The following AP3B1 variants were observed in gnomAD, a reference collection of about 807,000 sequenced individuals.
AP3B1 encodes AP-3 complex subunit beta-1.
A neutral mutation model predicts 132.5 loss-of-function variants in AP3B1; 61 were observed. That is an observed-to-expected ratio of 0.46 (90% CI 0.37 to 0.57). AP3B1 has a LOEUF of 0.57. Ranked by LOEUF, AP3B1 falls within the 20% of genes least tolerant of loss-of-function variation. The pLI, the probability that AP3B1 is intolerant of heterozygous loss-of-function variation, is 0.00. For missense variants in AP3B1, 1,120 were observed against 1,289.4 expected (o/e 0.87, Z 2.01); for synonymous variants, 388 against 438.3 (o/e 0.89, Z 1.43).
intron 1 of AP3B1, among the ~76,000 whole-genome samples, chr5:78,291,387 T>G (rs916697706): frequency 1.5e-5 from 2 of 135,530 alleles, no homozygotes; most frequent in African/African-American, 2.8e-5. Context: ...GCAAGACATC[T>G]GCATGGTCTC....
At chr5:78,005,497 A>G (rs1332744491) in intron 26 of AP3B1, among the ~76,000 whole-genome samples, 1 of 152,264 alleles carries the variant, frequency 6.6e-6, no homozygotes, top group Non-Finnish European at 1.5e-5. Context: ...CTATTGCCAC[A>G]AAAGTCTCAG....
At chr5:78,232,248 G>C (rs1461496981) in intron 3 of AP3B1, among the ~76,000 whole-genome samples, 1 of 152,172 alleles carries the variant, frequency 6.6e-6, no homozygotes, top group Non-Finnish European at 1.5e-5. Flanking sequence ...TCCTCGGAGA[G>C]ACAGGTTTTT....
In AP3B1 at chr5:78,138,969, C is replaced by CAAA. The variant is rs34427836; in HGVS notation, c.1650+2171_1650+2173dup. 4.1e-3 allele frequency among the ~76,000 whole-genome samples: 160 copies of CAAA among 39,004 alleles called. 4 individuals are homozygous for CAAA. The highest frequency in any genetic ancestry group is 9.8e-3 in the African/African-American group (92 of 9,416). The allele number at this position is 39,004 out of a possible 152,430, so 25.6% of individuals were successfully genotyped here. On this transcript the variant is annotated intron_variant, in intron 15 of 26. Transcript: ENST00000255194. ...TGTGTGACAGAGGGAAACTCTGTCT[C>CAAA]AAAAAAAAAAAAAAAAAAAAACACT...
At chr5:78,204,945 A>G (rs1745444425) in intron 7 of AP3B1, among the ~76,000 whole-genome samples, 1 of 152,096 alleles carries the variant, frequency 6.6e-6, no homozygotes. Flanking sequence ...ATTTTCTTGT[A>G]TCTCTGTGGA....
chr5:78,030,738 G>A (rs1487484947), intron 24 of AP3B1, among the ~76,000 whole-genome samples: 3 of 152,156 alleles, frequency 2.0e-5, no homozygotes, highest in Non-Finnish European at 4.4e-5. Context: ...GTGTAGTGGT[G>A]CAATCATAGC....
At chr5:78,208,381 G>T (rs937155331) in intron 7 of AP3B1, among the ~76,000 whole-genome samples, 12 of 152,086 alleles carry the variant, frequency 7.9e-5, no homozygotes, top group Admixed American at 6.6e-4. Flanking sequence ...CAAACACTTT[G>T]TTTTTCAGCT....
intron 8 of AP3B1, 127 bp from the exon 9 acceptor site, chr5:78,177,563 T>C: frequency 1.3e-6 from 1 of 757,486 alleles, no homozygotes; most frequent in East Asian, 2.7e-5. Context: ...GGAATGTTAC[T>C]CTTCGTAGTG....
intron 23 of AP3B1, among the ~76,000 whole-genome samples, 186 bp downstream of exon 23, chr5:78,038,857 A>T (rs1747919392): frequency 6.6e-6 from 1 of 152,204 alleles, no homozygotes; most frequent in Non-Finnish European, 1.5e-5. Flanking sequence ...GAGCAAAGAA[A>T]TGTATTTATC....
chr5:78,176,344 A>G (rs980916264), intron 9 of AP3B1, among the ~76,000 whole-genome samples: 5 of 115,224 alleles, frequency 4.3e-5, no homozygotes, highest in African/African-American at 2.3e-4. Flanking sequence ...TAGCCATAGG[A>G]AAAAAAAAAA....
intron 2 of AP3B1, among the ~76,000 whole-genome samples, chr5:78,242,653 C>T (rs1447207994): frequency 6.6e-6 from 1 of 152,046 alleles, no homozygotes; most frequent in African/African-American, 2.4e-5. Context: ...GTGATCCACC[C>T]CCCTCGGCCT....
intron 22 of AP3B1, among the ~76,000 whole-genome samples, chr5:78,051,984 G>C (rs931811152): frequency 4.6e-5 from 7 of 151,192 alleles, no homozygotes; most frequent in Non-Finnish European, 1.0e-4. Context: ...TTTCATTGAG[G>C]CTAGCATTAA....
intron 2 of AP3B1, among the ~76,000 whole-genome samples, chr5:78,246,735 G>A (rs4704491): frequency 0.56 from 84,851 of 151,804 alleles, 23,905 homozygotes; most frequent in Admixed American, 0.59. Flanking sequence ...CTGTCTACAG[G>A]TTTATCAATT....
At chr5:78,156,144 G>A (rs1743138844) in intron 14 of AP3B1, 114 bp downstream of exon 14, 1 of 747,720 alleles carries the variant, frequency 1.3e-6, no homozygotes, top group African/African-American at 1.7e-5. Flanking sequence ...TCTCAGAATT[G>A]GAATCCAGAC....
intron 17 of AP3B1, among the ~76,000 whole-genome samples, chr5:78,120,599 C>T (rs252765): frequency 0.26 from 39,527 of 149,290 alleles, 2,893 homozygotes; most frequent in Admixed American, 0.35. Flanking sequence ...ACAAAGAAGG[C>T]CATTACATAA....
At chr5:78,131,573 C>T (rs1752688897) in intron 15 of AP3B1, among the ~76,000 whole-genome samples, 1 of 151,946 alleles carries the variant, frequency 6.6e-6, no homozygotes, top group Admixed American at 6.6e-5. Flanking sequence ...TTTATTTATC[C>T]TTTTAAAAAT....
chr5:78,013,875 T>A (rs1746729364), intron 26 of AP3B1, among the ~76,000 whole-genome samples: 1 of 152,008 alleles, frequency 6.6e-6, no homozygotes, highest in African/African-American at 2.4e-5. Flanking sequence ...AACTAAGAAA[T>A]GAAAGACACC....
At chr5:78,225,632 T>C in intron 5 of AP3B1, 24 bp from the exon 6 acceptor site, 1 of 1,436,400 alleles carries the variant, frequency 7.0e-7, no homozygotes, top group Non-Finnish European at 9.8e-7. Context: ...AAATAACATA[T>C]TAATTTTTCC....
At chr5:78,053,678 C>CAAAAAAAAA (rs1166305470) in intron 22 of AP3B1, among the ~76,000 whole-genome samples, 1 of 75,576 alleles carries the variant, frequency 1.3e-5, no homozygotes, top group Non-Finnish European at 2.5e-5. Context: ...GACTCCATCT[C>CAAAAAAAAA]AAAAAAAAAA....
chr5:78,201,490 T>C (rs1035082753), intron 7 of AP3B1, among the ~76,000 whole-genome samples: 1 of 152,208 alleles, frequency 6.6e-6, no homozygotes, highest in African/African-American at 2.4e-5. Flanking sequence ...ATTTTGAAGA[T>C]GCTAAAAATG....
Sources: allele counts gnomAD v4.1 joint callset (sites outside exome capture counted in the v4.1 genomes callset), GRCh38; gene constraint gnomAD v4.1.1; transcripts MANE v1.5; gene names NCBI Gene and HGNC (gene_info 2026-07-23, HGNC 2026-07-21).